The following PLCB3 variants were observed in gnomAD, a reference collection of about 807,000 sequenced individuals.
PLCB3 encodes 1-phosphatidylinositol 4,5-bisphosphate phosphodiesterase beta-3.
PLCB3 carries 54 observed loss-of-function variants against 152.1 expected under a neutral mutation model. The observed-to-expected ratio is 0.36, with a 90% CI of 0.29 to 0.45. The LOEUF (loss-of-function observed/expected upper bound fraction) is 0.45, where lower values mean the gene tolerates loss of function less well. PLCB3 is among the 20% of genes least tolerant of loss of function. PLCB3 has a pLI of 1.00. For missense variants in PLCB3, 1,248 were observed against 1,687.5 expected (o/e 0.74, Z 4.56); for synonymous variants, 717 against 698.7 (o/e 1.03, Z -0.41).
At position 64,254,507 on chromosome 11, in the gene PLCB3, T is replaced by TG. The variant is rs781585686; in HGVS notation, c.177+17dup. The TG allele has an allele frequency of 7.4e-6, 12 of 1,611,720 alleles. No homozygotes were observed. In the Admixed American group the frequency reaches 2.0e-4, roughly 27 times the overall value. Reference sequence around the variant, plus strand: ...GCCCCAACATGGTGAGGGTGGGCGCTGGTGCAGCTCGCTCAGGCCAAGGAC... The same window carrying TG: ...GCCCCAACATGGTGAGGGTGGGCGCTGGGTGCAGCTCGCTCAGGCCAAGGAC... On this transcript the variant is annotated intron_variant, in intron 2 of 30. Coordinates refer to ENST00000279230, the MANE Select transcript of PLCB3 (RefSeq NM_000932.5).
chr11:64,265,367 G>T lies in PLCB3; in HGVS notation c.2900G>T (p.Arg967Leu), dbSNP rs145650860. The change falls in exon 25 of 31, where the codon CGG becomes CTG. Residue 967 changes from arginine to leucine, a missense_variant. By Grantham distance (102) the Arg-to-Leu change is moderately radical. This residue lies in a region of PLCB3 where 477 missense variants were observed against 489.6 expected (regional missense o/e 0.97). Coordinates refer to ENST00000279230, the MANE Select transcript of PLCB3 (RefSeq NM_000932.5). ...GGTCACAAGGCTCTGGTCAAGCTCC[G>T]GAGCCGGCAAGAGCGAGACCTGCGG... Reference protein sequence around the residue: ...LRGHKALVKLRSRQERDLREL... With the variant: ...LRGHKALVKLLSRQERDLREL... 1 of 1,611,530 alleles carries T rather than the reference G, an allele frequency of 6.2e-7. No individual in the cohort carries two copies. Among genetic ancestry groups the T allele is most frequent in the Middle Eastern group, 1.7e-4 (1 of 6,054 alleles).
At chr11:64,256,858 G>C in intron 10 of PLCB3, 94 bp downstream of exon 10, 1 of 1,393,336 alleles carries the variant, frequency 7.2e-7, no homozygotes, top group Non-Finnish European at 9.9e-7. Flanking sequence ...TGGCCCATTT[G>C]CTCATTCATT....
rs2031651441 is a variant in PLCB3, at chr11:64,258,376, C to T, written c.1013-97C>T. 7.3e-7 allele frequency: 1 copy of T among 1,371,992 alleles called. No individual in the cohort carries two copies. Among genetic ancestry groups the T allele is most frequent in the Non-Finnish European group, 9.9e-7 (1 of 1,010,102 alleles). The allele number at this position is 1,371,992 out of a possible 1,614,324, so 85.0% of individuals were successfully genotyped here. A position where few individuals can be genotyped will look rare whatever the true frequency, so the allele number is the denominator to read the frequency against. ...GGTATCCATCTGAGAGATGGAGAGC[C>T]CTCTGCAAATCCAGCATGTCCTGGT... On this transcript the variant is annotated intron_variant, in intron 10 of 30. Transcript: ENST00000279230. The surrounding 1 kb of genome is among the most constrained non-coding windows in gnomAD (Gnocchi z 7.2).
Position 64,255,625 on chromosome 11 carries a change from G to C in PLCB3, c.597+9G>C. ...GCCTCAAATTCAACCGGGTGTGTGGGGTGGGGACAGGGGCGGGGTGGGGTG... is the reference window on the plus strand; with the variant it reads ...GCCTCAAATTCAACCGGGTGTGTGGCGTGGGGACAGGGGCGGGGTGGGGTG... On this transcript the variant is annotated intron_variant, in intron 7 of 30. Transcript: ENST00000279230. This position sits in a 1 kb window ranked among gnomAD's most constrained non-coding sequence, Gnocchi z 6.8. 6.2e-7 allele frequency: 1 copy of C among 1,609,880 alleles called. No individual in the cohort carries two copies. Among genetic ancestry groups the C allele is most frequent in the African/African-American group, 1.3e-5 (1 of 74,956 alleles).
rs113554478 is a variant in PLCB3 at position 64,267,503 on chromosome 11, G to A, written c.3652G>A (p.Gly1218Arg). The A allele has an allele frequency of 3.0e-4, 471 of 1,570,524 alleles. 3 individuals are homozygous for A. In the East Asian group the frequency reaches 3.2e-3, roughly 11 times the overall value. The change falls in exon 31 of 31, where the codon GGG (glycine) becomes AGG (arginine). Residue 1218 changes from glycine to arginine, a missense_variant. Coordinates refer to ENST00000279230, the MANE Select transcript of PLCB3 (RefSeq NM_000932.5). The surrounding 1 kb of genome is among the most constrained non-coding windows in gnomAD (Gnocchi z 5.2). The stretch of plus-strand genomic sequence containing the variant: ...CAACGGTCACGCACCCGGGAGCAGC[G>A]GGCACCTGTCGGGCGCTGACTCGGA... ...ASNGHAPGSS[G>R]HLSGADSESQ...
At chr11:64,262,266 C>A in intron 17 of PLCB3, 141 bp from the exon 18 acceptor site, 1 of 1,294,484 alleles carries the variant, frequency 7.7e-7, no homozygotes, top group Non-Finnish European at 1.1e-6. Flanking sequence ...CTGATCTGTC[C>A]TGGATCCGGA....
intron 2 of PLCB3, 58 bp from the exon 3 acceptor site, chr11:64,254,690 G>A (rs2031420641): frequency 6.4e-7 from 1 of 1,571,934 alleles, no homozygotes; most frequent in East Asian, 2.2e-5. Flanking sequence ...GAGCTTGGAA[G>A]CTCCTGGCTA....
intron 2 of PLCB3, 66 bp downstream of exon 2, chr11:64,254,558 C>G: frequency 6.6e-7 from 1 of 1,522,696 alleles, no homozygotes; most frequent in Non-Finnish European, 9.1e-7. Flanking sequence ...CTGCCCTGCC[C>G]GTGGGGGTGG....
In PLCB3 at chr11:64,251,724, G is replaced by A; in HGVS notation, c.75G>A (p.Gly25=). ...PPTVVETLRR[G]SKFIKWDEET... is the part of the protein sequence containing the mutation. ...CCGTGGTGGAGACCCTGCGGCGCGGGAGTAAGTTCATCAAATGGGACGAGG... is the reference window on the plus strand; with the variant it reads ...CCGTGGTGGAGACCCTGCGGCGCGGAAGTAAGTTCATCAAATGGGACGAGG... Residue 25 remains glycine, a synonymous_variant, in exon 1 of 31, where the codon GGG becomes GGA. Coordinates refer to ENST00000279230, the MANE Select transcript of PLCB3 (RefSeq NM_000932.5). The A allele has an allele frequency of 6.7e-7, 1 of 1,482,088 alleles. No individual in the cohort carries two copies. The highest frequency in any genetic ancestry group is 9.0e-7 in the Non-Finnish European group (1 of 1,113,742). 91.8% of individuals were successfully genotyped at this position (1,482,088 alleles called of 1,614,324 possible). A position where few individuals can be genotyped will look rare whatever the true frequency, so the allele number is the denominator to read the frequency against.
chr11:64,267,111 A>C lies in PLCB3; in HGVS notation c.3415-74A>C, dbSNP rs958253140. The stretch of plus-strand genomic sequence containing the variant: ...ACCCGGCCTCGCCCACCTGACTTCT[A>C]TACCCAGCCAGAGCCTCGAGGCTCT... On this transcript the variant is annotated intron_variant, in intron 29 of 30. Transcript: ENST00000279230. The surrounding 1 kb of genome is among the most constrained non-coding windows in gnomAD (Gnocchi z 5.2). The C allele has an allele frequency of 2.4e-5, 33 of 1,380,488 alleles. No homozygotes were observed. The highest frequency in any genetic ancestry group is 3.2e-5 in the Non-Finnish European group (32 of 994,330). The allele number at this position is 1,380,488 out of a possible 1,614,324, so 85.5% of individuals were successfully genotyped here.
At chr11:64,262,212 C>G in intron 17 of PLCB3, 136 bp downstream of exon 17, 1 of 1,359,504 alleles carries the variant, frequency 7.4e-7, no homozygotes, top group East Asian at 2.3e-5. Context: ...GCTCCCGACT[C>G]ACCCCGCCTC....
In PLCB3 at chr11:64,265,323, C is replaced by A. The variant is rs753398301; in HGVS notation, c.2856C>A (p.Thr952=). ...IASILSEVAP[T]PLDELRGHKA... is the part of the protein sequence containing the mutation. Reference sequence around the variant, plus strand: ...TGCCGCTCCCAGAGGTGGCCCCCACCCCGCTGGATGAGCTCCGAGGTCACA... The same window carrying A: ...TGCCGCTCCCAGAGGTGGCCCCCACACCGCTGGATGAGCTCCGAGGTCACA... Residue 952 remains threonine, a synonymous_variant, in exon 25 of 31, where the codon ACC becomes ACA. Transcript: ENST00000279230. 7 of 1,597,312 alleles carry A rather than the reference C, an allele frequency of 4.4e-6. No individual in the cohort carries two copies. The South Asian group carries it at 5.6e-5, about 13-fold the overall frequency.
chr11:64,252,808 GGGGGT>G (rs1456125466), intron 1 of PLCB3, among the ~76,000 whole-genome samples: 1 of 152,206 alleles, frequency 6.6e-6, no homozygotes, highest in Non-Finnish European at 1.5e-5. Flanking sequence ...AGAGGGCCCT[GGGGGT>G]GGGGTGGGGG....
chr11:64,266,198 G>A lies in PLCB3; in HGVS notation c.3262G>A (p.Glu1088Lys), dbSNP rs367729670. ...TQFKRLKEMN[E>K]REKKELQKIL... is the part of the protein sequence containing the mutation. ...GTTCAAGAGGCTGAAAGAGATGAAC[G>A]AGAGGTGAAAGCCGAGGATTGTCTA... The change falls in exon 27 of 31, where the codon GAG becomes AAG. Residue 1088 changes from glutamate to lysine, a missense_variant. By Grantham distance (56) the Glu-to-Lys change is moderately conservative. Around this residue, in one of 6 missense-constraint regions of PLCB3, gnomAD observed 477 missense variants for 489.6 expected, o/e 0.97. Coordinates refer to ENST00000279230, the MANE Select transcript of PLCB3 (RefSeq NM_000932.5). The surrounding 1 kb of genome is among the most constrained non-coding windows in gnomAD (Gnocchi z 4.9). The A allele has an allele frequency of 4.3e-6, 7 of 1,614,100 alleles. No individual in the cohort carries two copies. The highest frequency in any genetic ancestry group is 2.2e-5 in the East Asian group (1 of 44,882).
chr11:64,267,492 C>T lies in PLCB3; in HGVS notation c.3641C>T (p.Pro1214Leu). 1 of 1,569,116 alleles carries T rather than the reference C, an allele frequency of 6.4e-7. No homozygotes were observed. The highest frequency in any genetic ancestry group is 8.6e-7 in the Non-Finnish European group (1 of 1,161,636). ...GCCTGTGCCAGCAACGGTCACGCAC[C>T]CGGGAGCAGCGGGCACCTGTCGGGC... Reference protein sequence around the residue: ...LVACASNGHAPGSSGHLSGAD... With the variant: ...LVACASNGHALGSSGHLSGAD... Residue 1214 changes from proline to leucine, a missense_variant, in exon 31 of 31, where the codon CCC (proline) becomes CTC (leucine). Coordinates refer to ENST00000279230, the MANE Select transcript of PLCB3 (RefSeq NM_000932.5). This position sits in a 1 kb window ranked among gnomAD's most constrained non-coding sequence, Gnocchi z 5.2.
At position 64,267,443 on chromosome 11, in the gene PLCB3, G is replaced by T; in HGVS notation, c.3592G>T (p.Gly1198Trp). ...GAGCCTGCTGGGCGAGATGCCGGAG[G>T]GGCTGGGGGACGGGCCTCTGGTGGC... Reference protein sequence around the residue: ...RRSLLGEMPEGLGDGPLVACA... With the variant: ...RRSLLGEMPEWLGDGPLVACA... Residue 1198 changes from glycine (G) to tryptophan (W), a missense_variant, in exon 31 of 31, where the codon GGG (glycine) becomes TGG (tryptophan). Gly to Trp is a radical substitution (Grantham distance 184, BLOSUM62 -2). Transcript: ENST00000279230. This position sits in a 1 kb window ranked among gnomAD's most constrained non-coding sequence, Gnocchi z 5.2. The T allele has an allele frequency of 6.4e-7, 1 of 1,552,014 alleles. No homozygotes were observed. The highest frequency in any genetic ancestry group is 8.7e-7 in the Non-Finnish European group (1 of 1,150,858).
chr11:64,261,790 C>T, intron 16 of PLCB3, 125 bp downstream of exon 16: 2 of 1,421,722 alleles, frequency 1.4e-6, no homozygotes, highest in Non-Finnish European at 2.0e-6. Flanking sequence ...CTCCTGCACC[C>T]TGGCCTGGGG....
At chr11:64,252,711 G>A (rs1367374941) in intron 1 of PLCB3, among the ~76,000 whole-genome samples, 2 of 152,068 alleles carry the variant, frequency 1.3e-5, no homozygotes, top group African/African-American at 4.8e-5. Flanking sequence ...GGCCGGGGGA[G>A]ACCCCTCCCC....
Position 64,267,703 on chromosome 11 carries a change from C to T in PLCB3, c.*147C>T, listed in dbSNP as rs1429355248. 248 of 675,096 alleles carry T rather than the reference C, an allele frequency of 3.7e-4. No individual in the cohort carries two copies. Among genetic ancestry groups the T allele is most frequent in the Non-Finnish European group, 9.0e-5 (37 of 410,198 alleles). The allele number at this position is 675,096 out of a possible 1,614,324, so 41.8% of individuals were successfully genotyped here. ...CCCGGGGCAAGTACCTCAGCTAACTCCCTTCATCCTCCTGGGGCCCCTCCT... is the reference window on the plus strand; with the variant it reads ...CCCGGGGCAAGTACCTCAGCTAACTTCCTTCATCCTCCTGGGGCCCCTCCT... On this transcript the variant is annotated 3_prime_UTR_variant, in exon 31 of 31. Coordinates refer to ENST00000279230, the MANE Select transcript of PLCB3 (RefSeq NM_000932.5). This position sits in a 1 kb window ranked among gnomAD's most constrained non-coding sequence, Gnocchi z 5.2.
Sources: allele counts gnomAD v4.1 joint callset (sites outside exome capture counted in the v4.1 genomes callset), GRCh38; gene constraint gnomAD v4.1.1; regional missense constraint gnomAD v4.1.1; non-coding constraint Gnocchi (gnomAD v3.1); transcripts MANE v1.5; gene names NCBI Gene and HGNC (gene_info 2026-07-23, HGNC 2026-07-21).